Variants in ABCC11 observed in about 807,000 individuals in gnomAD.
ABCC11 encodes ATP binding cassette subfamily C member 11, also known as ATP-binding cassette sub-family C member 11.
Under a neutral mutation model 149.3 loss-of-function variants are expected in ABCC11, and 135 were observed. That is an observed-to-expected ratio of 0.90 (90% CI 0.79 to 1.04). The LOEUF (loss-of-function observed/expected upper bound fraction) is 1.04, where lower values mean the gene tolerates loss of function less well. ABCC11 is among the 50% of genes least tolerant of loss of function. The pLI is 0.00. For missense variants in ABCC11, 1,680 were observed against 1,722.1 expected (o/e 0.98, Z 0.43); for synonymous variants, 665 against 671.4 (o/e 0.99, Z 0.15).
chr16:48,238,948 A>G (rs1970821667), intron 1 of ABCC11, among the ~76,000 whole-genome samples: 1 of 151,032 alleles, frequency 6.6e-6, no homozygotes, highest in Non-Finnish European at 1.5e-5. Flanking sequence ...AAAAAAAAAA[A>G]AAAAAAAAAA....
chr16:48,170,270 G>T, intron 27 of ABCC11, 52 bp from the exon 28 acceptor site: 2 of 1,350,826 alleles, frequency 1.5e-6, no homozygotes, highest in Non-Finnish European at 2.1e-6. Context: ...TGTGGGGTGA[G>T]ACCCAACCTG....
At chr16:48,237,064 C>T (rs1225791157) in intron 1 of ABCC11, among the ~76,000 whole-genome samples, 2 of 152,286 alleles carry the variant, frequency 1.3e-5, no homozygotes, top group East Asian at 3.9e-4. Flanking sequence ...AATTATTAAA[C>T]ATTAGTGTTT....
chr16:48,245,635 C>T (rs548716050), intron 1 of ABCC11, among the ~76,000 whole-genome samples: 2 of 152,216 alleles, frequency 1.3e-5, no homozygotes, highest in African/African-American at 4.8e-5. Context: ...GTTGGTCACC[C>T]TAAATGTGCT....
intron 11 of ABCC11, chr16:48,210,538 T>G: frequency 5.9e-6 from 1 of 169,914 alleles, no homozygotes; most frequent in East Asian, 1.6e-4. Flanking sequence ...GGAAGCTAAT[T>G]TTTGTAAACA....
At chr16:48,234,789 G>C (rs1373659133) in intron 1 of ABCC11, among the ~76,000 whole-genome samples, 1 of 152,148 alleles carries the variant, frequency 6.6e-6, no homozygotes, top group East Asian at 1.9e-4. Flanking sequence ...AACATCCCCA[G>C]GTGAGTGAGC....
intron 9 of ABCC11, among the ~76,000 whole-genome samples, chr16:48,214,338 C>T (rs1969166187): frequency 6.6e-6 from 1 of 152,146 alleles, no homozygotes; most frequent in African/African-American, 2.4e-5. Flanking sequence ...GCACACACAA[C>T]CCCTTGGCTG....
chr16:48,214,865 C>T lies in ABCC11; in HGVS notation c.1248+16G>A. 1 of 1,612,056 alleles carries T rather than the reference C, an allele frequency of 6.2e-7. No homozygotes were observed. The highest frequency in any genetic ancestry group is 8.5e-7 in the Non-Finnish European group (1 of 1,179,316). ...CAATCATGATGGGGAGAAAACAAAG[C>T]CCCCCAAACCCTTACCATTGACGCT... On this transcript the variant is annotated intron_variant, in intron 9 of 29. Transcript: ENST00000356608.
At chr16:48,193,496 A>T (rs963451679) in intron 19 of ABCC11, among the ~76,000 whole-genome samples, 3 of 152,294 alleles carry the variant, frequency 2.0e-5, no homozygotes, top group Admixed American at 6.5e-5. Context: ...AAATAACTTG[A>T]CACAGTGTGG....
At chr16:48,195,996 T>TA (rs1240280795) in intron 18 of ABCC11, among the ~76,000 whole-genome samples, 1 of 152,040 alleles carries the variant, frequency 6.6e-6, no homozygotes, top group African/African-American at 2.4e-5. Context: ...TTTTTTTAAT[T>TA]AAAAAATAGA....
chr16:48,247,257 T>A (rs12931193), intron 1 of ABCC11, 57 bp downstream of exon 1: 2 of 152,120 alleles, frequency 1.3e-5, no homozygotes, highest in African/African-American at 4.8e-5. Context: ...ATACCAATAC[T>A]GAGTAATCCA....
chr16:48,210,996 C>T lies in ABCC11; in HGVS notation c.1560G>A (p.Gly520=). The T allele has an allele frequency of 1.9e-6, 3 of 1,614,180 alleles. No individual in the cohort carries two copies. Among genetic ancestry groups the T allele is most frequent in the Middle Eastern group, 3.3e-4 (2 of 6,062 alleles). The part of the protein sequence containing the change: ...PRDALGPEEE[G]NSLGPELHKI... ...TGTGCAACTCTGGGCCCAGGCTGTTCCCTTCTTCCTCTGGCCCGAGGGCAT... is the reference window on the plus strand; with the variant it reads ...TGTGCAACTCTGGGCCCAGGCTGTTTCCTTCTTCCTCTGGCCCGAGGGCAT... Residue 520 remains glycine (G), a synonymous_variant, in exon 11 of 30, where the codon GGG becomes GGA. Coordinates refer to ENST00000356608, the MANE Select transcript of ABCC11 (RefSeq NM_001370497.1).
intron 23 of ABCC11, 93 bp from the exon 24 acceptor site, chr16:48,178,779 C>A (rs764426955): frequency 4.5e-5 from 48 of 1,072,718 alleles, no homozygotes; most frequent in Non-Finnish European, 6.3e-5. Flanking sequence ...GCCATTGCCC[C>A]TGAGTGACCC....
Position 48,196,270 on chromosome 16 carries a change from C to G in ABCC11, c.2366G>C (p.Ser789Thr), listed in dbSNP as rs1967401334. 1 of 1,614,066 alleles carries G rather than the reference C, an allele frequency of 6.2e-7. No individual in the cohort carries two copies. The highest frequency in any genetic ancestry group is 1.7e-5 in the Admixed American group (1 of 60,010). ...QEEEMEEGSL[S>T]WRVYHHYIQA... ...GATGTAGTGGTGGTAGACCCTCCAA[C>G]TCAAGGAGCCTTCTTCCATCTCCTC... Residue 789 changes from serine (S) to threonine (T), a missense_variant, in exon 18 of 30, where the codon AGT becomes ACT. Transcript: ENST00000356608.
chr16:48,169,071 T>C (rs1034508440), intron 28 of ABCC11, among the ~76,000 whole-genome samples: 18 of 152,116 alleles, frequency 1.2e-4, no homozygotes, highest in Non-Finnish European at 2.2e-4. Context: ...AAAATATATA[T>C]ATATGCAATT....
intron 1 of ABCC11, among the ~76,000 whole-genome samples, chr16:48,239,185 C>G (rs1970836339): frequency 6.6e-6 from 1 of 151,996 alleles, no homozygotes; most frequent in African/African-American, 2.4e-5. Context: ...TAGCCATATG[C>G]AGAAAATTGA....
In ABCC11 at chr16:48,167,529, G is replaced by C. The variant is rs575077622; in HGVS notation, c.4023C>G (p.Asn1341Lys). The change falls in exon 29 of 30, where the codon AAC becomes AAG. Residue 1341 changes from asparagine to lysine, a missense_variant. By Grantham distance (94) the Asn-to-Lys change is moderately conservative. Coordinates refer to ENST00000356608, the MANE Select transcript of ABCC11 (RefSeq NM_001370497.1). ...TGCCCATAACCAGGATGTGGTCACAGTTCAGCACAGTGGTGACACGGTGGG... is the reference window on the plus strand; with the variant it reads ...TGCCCATAACCAGGATGTGGTCACACTTCAGCACAGTGGTGACACGGTGGG... Reference protein sequence around the residue: ...VIAHRVTTVLNCDHILVMGNG... With the variant: ...VIAHRVTTVLKCDHILVMGNG... 6.2e-7 allele frequency: 1 copy of C among 1,614,190 alleles called. No homozygotes were observed. Among genetic ancestry groups the C allele is most frequent in the South Asian group, 1.1e-5 (1 of 91,084 alleles).
chr16:48,187,216 C>A lies in ABCC11; in HGVS notation c.2918G>T (p.Cys973Phe). Reference sequence around the variant, plus strand: ...ACCTACTCACATATAATAAATGAAGCAAATAACCATGATTATGGCTCCCAT... The same window carrying A: ...ACCTACTCACATATAATAAATGAAGAAAATAACCATGATTATGGCTCCCAT... ...LLMGAIIMVI[C>F]FIYYMMFKKA... Residue 973 changes from cysteine (C) to phenylalanine (F), a missense_variant, in exon 21 of 30, where the codon TGC (cysteine) becomes TTC (phenylalanine). Physicochemically the swap from Cys to Phe is radical, Grantham distance 205. Transcript: ENST00000356608. 1 of 1,614,072 alleles carries A rather than the reference C, an allele frequency of 6.2e-7. No individual in the cohort carries two copies. Among genetic ancestry groups the A allele is most frequent in the South Asian group, 1.1e-5 (1 of 91,068 alleles).
intron 1 of ABCC11, chr16:48,244,372 T>C: frequency 3.3e-6 from 5 of 1,518,584 alleles, no homozygotes; most frequent in Non-Finnish European, 4.4e-6. Flanking sequence ...CAGCCCCCAG[T>C]GCGAAAGGCT....
intron 22 of ABCC11, among the ~76,000 whole-genome samples, chr16:48,185,145 A>G (rs897669758): frequency 1.3e-5 from 2 of 152,170 alleles, no homozygotes; most frequent in Non-Finnish European, 2.9e-5. Context: ...ATTAAGCCTC[A>G]CTTTAAGCAA....
Sources: allele counts gnomAD v4.1 joint callset (sites outside exome capture counted in the v4.1 genomes callset), GRCh38; gene constraint gnomAD v4.1.1; transcripts MANE v1.5; gene names NCBI Gene and HGNC (gene_info 2026-07-23, HGNC 2026-07-21).